The following NRG3 variants were observed in gnomAD, a reference collection of about 807,000 sequenced individuals.
NRG3 encodes pro-neuregulin-3, membrane-bound isoform.
In NRG3, 31 loss-of-function variants were observed where a neutral mutation model predicts 66.9. That is an observed-to-expected ratio of 0.46 (90% CI 0.35 to 0.63). The LOEUF (loss-of-function observed/expected upper bound fraction) is 0.63. Among genes scored for constraint, NRG3 ranks in the 20% least tolerant of loss-of-function variants. The pLI is 0.00. For missense variants in NRG3, 910 were observed against 878.9 expected (o/e 1.04, Z -0.45); for synonymous variants, 393 against 359.4 (o/e 1.09, Z -1.06).
intron 1 of NRG3, among the ~76,000 whole-genome samples, chr10:81,979,069 G>A (rs1435310260): frequency 6.6e-6 from 1 of 151,654 alleles, no homozygotes; most frequent in Non-Finnish European, 1.5e-5. Flanking sequence ...CACGCCTGTA[G>A]TCCCAGCTAC....
chr10:82,931,435 T>C (rs1238443037), intron 4 of NRG3, among the ~76,000 whole-genome samples: 1 of 152,134 alleles, frequency 6.6e-6, no homozygotes, highest in African/African-American at 2.4e-5. Context: ...GTATATAACC[T>C]TGGGAAGCTG....
intron 1 of NRG3, among the ~76,000 whole-genome samples, chr10:82,059,422 G>A (rs903872435): frequency 1.3e-5 from 2 of 152,126 alleles, no homozygotes; most frequent in Admixed American, 6.5e-5. Context: ...AAGGATGGGA[G>A]AAAAAGAAGA....
intron 1 of NRG3, among the ~76,000 whole-genome samples, chr10:82,031,262 G>A (rs887539864): frequency 2.0e-5 from 3 of 152,090 alleles, no homozygotes; most frequent in Admixed American, 6.5e-5. Context: ...TTATTCCCAC[G>A]AACCTGTGTT....
intron 2 of NRG3, among the ~76,000 whole-genome samples, chr10:82,724,788 A>G (rs1457634771): frequency 6.6e-6 from 1 of 152,160 alleles, no homozygotes; most frequent in East Asian, 1.9e-4. Context: ...TGGTTTTATC[A>G]GTTGTTTGCT....
Position 82,235,535 on chromosome 10 carries a change from TTG to T in NRG3, c.824-123201_824-123200del, listed in dbSNP as rs758189963. On this transcript the variant is annotated intron_variant, in intron 1 of 8. Transcript: ENST00000372141. ...TTACTTAATCGATAAAGAAAGCTTTTTGTGACCTTTCCATCTCAAGTAATCTC... is the reference window on the plus strand; with the variant it reads ...TTACTTAATCGATAAAGAAAGCTTTTTGACCTTTCCATCTCAAGTAATCTC... Among the ~76,000 whole-genome samples, 10 of 152,324 alleles carry T rather than the reference TTG, an allele frequency of 6.6e-5. No individual in the cohort carries two copies. The East Asian group carries it at 1.2e-3, about 18-fold the overall frequency.
At chr10:81,914,553 C>T (rs73304569) in intron 1 of NRG3, among the ~76,000 whole-genome samples, 2,873 of 151,468 alleles carry the variant, frequency 0.019, 80 homozygotes, top group African/African-American at 0.064. Context: ...GGCAACATTG[C>T]GAGACCCTGT....
chr10:82,198,623 C>G (rs143038653), intron 1 of NRG3, among the ~76,000 whole-genome samples: 1 of 152,104 alleles, frequency 6.6e-6, no homozygotes, highest in Admixed American at 6.5e-5. Flanking sequence ...TTCATTTATT[C>G]GCTCACTCAT....
At chr10:82,565,188 G>A (rs762422891) in intron 2 of NRG3, among the ~76,000 whole-genome samples, 1 of 152,024 alleles carries the variant, frequency 6.6e-6, no homozygotes, top group Non-Finnish European at 1.5e-5. Context: ...GAAGTGTTGG[G>A]GAAAATGCCA....
At chr10:82,945,571 T>C (rs567430925) in intron 4 of NRG3, among the ~76,000 whole-genome samples, 7 of 152,234 alleles carry the variant, frequency 4.6e-5, no homozygotes, top group African/African-American at 1.7e-4. Context: ...GCAAGTGAGC[T>C]CAGGAGACAG....
intron 3 of NRG3, among the ~76,000 whole-genome samples, chr10:82,820,499 A>T (rs578161002): frequency 5.8e-4 from 89 of 152,200 alleles, no homozygotes; most frequent in African/African-American, 2.1e-3. Flanking sequence ...CTCCCTACAT[A>T]GTCTGGGCCC....
chr10:82,030,532 T>G (rs1327169113), intron 1 of NRG3, among the ~76,000 whole-genome samples: 1 of 152,006 alleles, frequency 6.6e-6, no homozygotes, highest in Non-Finnish European at 1.5e-5. Flanking sequence ...GGAGACTAAA[T>G]AGAAAGTCAG....
intron 1 of NRG3, among the ~76,000 whole-genome samples, chr10:81,982,207 C>G (rs1381974992): frequency 2.6e-5 from 4 of 152,192 alleles, no homozygotes; most frequent in Non-Finnish European, 5.9e-5. Context: ...CCTACAATTT[C>G]TACTTTCCAC....
At chr10:82,255,758 C>T (rs74503445) in intron 1 of NRG3, among the ~76,000 whole-genome samples, 15,982 of 150,954 alleles carry the variant, frequency 0.11, 2,022 homozygotes, top group African/African-American at 0.3. Flanking sequence ...ATGCATCAAC[C>T]ACACCTGGCT....
chr10:82,905,408 C>T (rs1439674308), intron 4 of NRG3, among the ~76,000 whole-genome samples: 1 of 152,114 alleles, frequency 6.6e-6, no homozygotes, highest in Middle Eastern at 3.2e-3. Flanking sequence ...TTTCTTCATT[C>T]CACCAGGTTA....
chr10:82,840,197 A>G (rs2062987597), intron 3 of NRG3, among the ~76,000 whole-genome samples: 1 of 152,204 alleles, frequency 6.6e-6, no homozygotes, highest in African/African-American at 2.4e-5. Context: ...TGACAAAGGT[A>G]GGACAAAGAC....
chr10:81,900,203 C>T (rs1014285716), intron 1 of NRG3, among the ~76,000 whole-genome samples: 2 of 151,786 alleles, frequency 1.3e-5, no homozygotes, highest in Admixed American at 6.6e-5. Flanking sequence ...CCCGCCTTGG[C>T]CTCCCAAAGT....
intron 3 of NRG3, among the ~76,000 whole-genome samples, chr10:82,819,422 G>T (rs937825467): frequency 9.2e-5 from 14 of 152,176 alleles, no homozygotes; most frequent in African/African-American, 3.4e-4. Flanking sequence ...TTCATCAAAA[G>T]TATATAAAGC....
chr10:82,089,575 T>G (rs2065913557), intron 1 of NRG3, among the ~76,000 whole-genome samples: 1 of 152,176 alleles, frequency 6.6e-6, no homozygotes, highest in Non-Finnish European at 1.5e-5. Context: ...CTCTGTTCAT[T>G]CTTGCCTGAC....
intron 1 of NRG3, among the ~76,000 whole-genome samples, chr10:82,034,236 T>A (rs1012446217): frequency 6.6e-6 from 1 of 152,154 alleles, no homozygotes; most frequent in African/African-American, 2.4e-5. Flanking sequence ...ACAGAGACCA[T>A]ATACATGACC....
Sources: gnomAD v4.1 joint callset for allele counts (sites outside exome capture counted in the v4.1 genomes callset) on GRCh38, gnomAD v4.1.1 for gene constraint, MANE v1.5 for transcripts, NCBI Gene and HGNC (gene_info 2026-07-23, HGNC 2026-07-21) for gene names.